Variants in LRRTM4 observed in about 807,000 individuals in gnomAD.
LRRTM4 encodes the protein leucine-rich repeat transmembrane neuronal protein 4.
A neutral mutation model predicts 47.6 loss-of-function variants in LRRTM4; 25 were observed. The ratio of observed to expected loss-of-function variants is 0.53; its 90% confidence interval spans 0.38 to 0.73. The LOEUF is 0.73. LRRTM4 is among the 30% of genes least tolerant of loss of function. The pLI, the probability that LRRTM4 is intolerant of heterozygous loss-of-function variation, is 0.00. For synonymous variants in LRRTM4, 311 were observed against 269.5 expected (o/e 1.15, Z -1.51); for missense variants, 638 against 713.4 (o/e 0.89, Z 1.20).
At chr2:76,772,990 G>C (rs1673777850) in intron 3 of LRRTM4, 1 of 152,158 alleles carries the variant, frequency 6.6e-6, no homozygotes, top group East Asian at 1.9e-4. Flanking sequence ...TTAGTACTTG[G>C]ATGGGAGTCT....
intron 3 of LRRTM4, among the ~76,000 whole-genome samples, chr2:77,111,428 A>G (rs1452794567): frequency 6.6e-6 from 1 of 151,944 alleles, no homozygotes; most frequent in Non-Finnish European, 1.5e-5. Flanking sequence ...CGCCTGGCCA[A>G]TAATTCCCTC....
chr2:76,955,734 A>G (rs1675651794), intron 3 of LRRTM4, among the ~76,000 whole-genome samples: 1 of 151,540 alleles, frequency 6.6e-6, no homozygotes, highest in African/African-American at 2.4e-5. Flanking sequence ...CTCACCTTTC[A>G]CTCTCCACTT....
chr2:76,835,911 G>C (rs1411612886), intron 3 of LRRTM4, among the ~76,000 whole-genome samples: 1 of 151,968 alleles, frequency 6.6e-6, no homozygotes, highest in Non-Finnish European at 1.5e-5. Context: ...GAAATCCACA[G>C]GACTATTTTA....
At chr2:76,892,576 A>C (rs1673289374) in intron 3 of LRRTM4, among the ~76,000 whole-genome samples, 1 of 151,706 alleles carries the variant, frequency 6.6e-6, no homozygotes, top group Non-Finnish European at 1.5e-5. Context: ...AAAGACAGTA[A>C]TATGTATCAG....
chr2:76,939,617 G>T (rs752291088), intron 3 of LRRTM4, among the ~76,000 whole-genome samples: 1 of 151,654 alleles, frequency 6.6e-6, no homozygotes, highest in Non-Finnish European at 1.5e-5. Flanking sequence ...TATTTTACTT[G>T]TTATAAAAAA....
At chr2:76,998,033 A>C (rs1002337675) in intron 3 of LRRTM4, among the ~76,000 whole-genome samples, 1 of 152,058 alleles carries the variant, frequency 6.6e-6, no homozygotes, top group Non-Finnish European at 1.5e-5. Flanking sequence ...CTGATTATAC[A>C]TTATGGTGAG....
intron 3 of LRRTM4, among the ~76,000 whole-genome samples, chr2:77,125,397 T>G (rs111905489): frequency 1.3e-5 from 2 of 152,196 alleles, no homozygotes; most frequent in African/African-American, 4.8e-5. Context: ...TAGGGCCAAC[T>G]TTCTCACTTT....
At chr2:77,285,360 A>ATATATATATATATATATATATATG (rs1676625671) in intron 3 of LRRTM4, among the ~76,000 whole-genome samples, 1 of 143,834 alleles carries the variant, frequency 7.0e-6, no homozygotes, top group Non-Finnish European at 1.5e-5. Context: ...ATATATATAT[A>ATATATATATATATATATATATATG]TATGGCCAAT....
At chr2:76,756,476 T>C (rs1417674809) in intron 3 of LRRTM4, among the ~76,000 whole-genome samples, 1 of 152,170 alleles carries the variant, frequency 6.6e-6, no homozygotes, top group Non-Finnish European at 1.5e-5. Flanking sequence ...TGCTCTCTCA[T>C]ATTGAATTAG....
chr2:77,089,492 G>A (rs1403964275), intron 3 of LRRTM4, among the ~76,000 whole-genome samples: 4 of 149,076 alleles, frequency 2.7e-5, no homozygotes, highest in African/African-American at 5.0e-5. Flanking sequence ...TTATTTCTGC[G>A]CCCCATCCCT....
chr2:76,828,444 G>A (rs192172737), intron 3 of LRRTM4, among the ~76,000 whole-genome samples: 1 of 152,038 alleles, frequency 6.6e-6, no homozygotes, highest in Admixed American at 6.6e-5. Flanking sequence ...GACTTCATGT[G>A]CTTTGAAGTG....
chr2:76,828,398 A>G (rs1573177403), intron 3 of LRRTM4, among the ~76,000 whole-genome samples: 1 of 152,014 alleles, frequency 6.6e-6, no homozygotes, highest in African/African-American at 2.4e-5. Flanking sequence ...TATCACTGTA[A>G]TGCACATTTC....
At chr2:76,749,549 C>T (rs1245186383) in intron 3 of LRRTM4, among the ~76,000 whole-genome samples, 2 of 152,000 alleles carry the variant, frequency 1.3e-5, no homozygotes, top group Admixed American at 1.3e-4. Flanking sequence ...GACCAAAGAA[C>T]TCTGGAATCA....
intron 3 of LRRTM4, among the ~76,000 whole-genome samples, chr2:77,218,793 G>T (rs996968521): frequency 1.3e-5 from 2 of 152,078 alleles, no homozygotes; most frequent in African/African-American, 2.4e-5. Context: ...AGCTCCATTT[G>T]TGCAAACTTT....
At chr2:77,420,264 C>G (rs1162863248) in intron 3 of LRRTM4, among the ~76,000 whole-genome samples, 2 of 152,096 alleles carry the variant, frequency 1.3e-5, no homozygotes, top group Non-Finnish European at 2.9e-5. Context: ...CAAAGCAAAC[C>G]AGCAAAGAAT....
chr2:77,048,935 C>T (rs957124224), intron 3 of LRRTM4, among the ~76,000 whole-genome samples: 1 of 151,286 alleles, frequency 6.6e-6, no homozygotes, highest in Non-Finnish European at 1.5e-5. Flanking sequence ...ACTCTCTTAT[C>T]CACCCTTTAA....
chr2:76,789,958 G>T (rs541451916), intron 3 of LRRTM4, among the ~76,000 whole-genome samples: 3 of 152,144 alleles, frequency 2.0e-5, no homozygotes, highest in Non-Finnish European at 2.9e-5. Context: ...AGGACAACGG[G>T]TTGCTTGTTT....
intron 3 of LRRTM4, among the ~76,000 whole-genome samples, chr2:77,510,582 A>G (rs1208589403): frequency 6.6e-6 from 1 of 152,028 alleles, no homozygotes; most frequent in Non-Finnish European, 1.5e-5. Flanking sequence ...ATTATTTGCT[A>G]CTCCAAAATT....
At chr2:77,424,972 A>G (rs957344742) in intron 3 of LRRTM4, among the ~76,000 whole-genome samples, 12 of 152,148 alleles carry the variant, frequency 7.9e-5, no homozygotes, top group Non-Finnish European at 1.2e-4. Context: ...TTTTAAGTGG[A>G]ATATGAAACA....
Sources: gnomAD v4.1 joint callset for allele counts (sites outside exome capture counted in the v4.1 genomes callset) on GRCh38, gnomAD v4.1.1 for gene constraint, MANE v1.5 for transcripts, NCBI Gene and HGNC (gene_info 2026-07-23, HGNC 2026-07-21) for gene names.